Variants in MSRA observed in about 807,000 individuals in gnomAD.
MSRA encodes mitochondrial peptide methionine sulfoxide reductase.
A neutral mutation model predicts 31.3 loss-of-function variants in MSRA; 54 were observed. The ratio of observed to expected loss-of-function variants is 1.73; its 90% CI spans 1.39 to 2.17. MSRA has a LOEUF of 2.17. Ranked by LOEUF, MSRA falls within the 30% of genes most tolerant of loss-of-function variation. The pLI, the probability that MSRA is intolerant of heterozygous loss-of-function variation, is 0.00. For synonymous variants in MSRA, 169 were observed against 116.5 expected (o/e 1.45, Z -2.90); for missense variants, 507 against 300.9 (o/e 1.69, Z -5.07).
chr8:10,122,614 C>T (rs1801208205), intron 1 of MSRA, among the ~76,000 whole-genome samples: 1 of 151,526 alleles, frequency 6.6e-6, no homozygotes, highest in Admixed American at 6.6e-5. Flanking sequence ...GTTCGTTGTA[C>T]AGATTATTTT....
At chr8:10,225,700 G>A (rs540090703) in intron 2 of MSRA, among the ~76,000 whole-genome samples, 78 of 152,224 alleles carry the variant, frequency 5.1e-4, no homozygotes, top group African/African-American at 1.4e-3. Context: ...GCCAGCTCTC[G>A]TTTTGATGTA....
intron 5 of MSRA, among the ~76,000 whole-genome samples, chr8:10,333,253 C>A (rs1463334430): frequency 6.6e-6 from 1 of 152,174 alleles, no homozygotes; most frequent in Non-Finnish European, 1.5e-5. Context: ...ATGTGATGTC[C>A]AGACCCCTTG....
chr8:10,224,048 C>A (rs761094811), intron 2 of MSRA, among the ~76,000 whole-genome samples: 1 of 152,120 alleles, frequency 6.6e-6, no homozygotes, highest in African/African-American at 2.4e-5. Flanking sequence ...ATCATTTGTT[C>A]AATGGAGATA....
At chr8:10,079,450 C>T (rs1055878057) in intron 1 of MSRA, among the ~76,000 whole-genome samples, 2 of 152,132 alleles carry the variant, frequency 1.3e-5, no homozygotes, top group African/African-American at 2.4e-5. Flanking sequence ...CCACCACACC[C>T]GACCATGTTT....
At chr8:10,196,083 C>G (rs1007814016) in intron 1 of MSRA, among the ~76,000 whole-genome samples, 1 of 152,182 alleles carries the variant, frequency 6.6e-6, no homozygotes, top group Non-Finnish European at 1.5e-5. Flanking sequence ...CTGGACCACT[C>G]CCCGCTCAGC....
In MSRA at chr8:10,128,144, G is replaced by A. The variant is rs149956550; in HGVS notation, c.142+73486G>A. Among the ~76,000 whole-genome samples the A allele has an allele frequency of 7.9e-3, 1,208 of 152,154 alleles. 15 individuals are homozygous for A. Among genetic ancestry groups the A allele is most frequent in the African/African-American group, 0.026 (1,087 of 41,512 alleles). ...TGTAATCCCAGCACTTTGGGAGGCC[G>A]AGGCAGGTGGATCACCCGAGATCAG... On this transcript the variant is annotated intron_variant, in intron 1 of 5. Transcript: ENST00000317173.
chr8:10,174,575 G>A (rs1006264464), intron 1 of MSRA, among the ~76,000 whole-genome samples: 2 of 151,930 alleles, frequency 1.3e-5, no homozygotes, highest in African/African-American at 4.8e-5. Flanking sequence ...TACGTTCTTC[G>A]CACTCTCTCA....
intron 1 of MSRA, among the ~76,000 whole-genome samples, chr8:10,196,015 C>T (rs1345577245): frequency 6.6e-6 from 1 of 152,132 alleles, no homozygotes; most frequent in Non-Finnish European, 1.5e-5. Context: ...CTCAGCTGAC[C>T]ATTACCTCCG....
intron 1 of MSRA, chr8:10,095,823 T>C (rs1799115352): frequency 3.2e-6 from 4 of 1,243,642 alleles, no homozygotes; most frequent in Non-Finnish European, 4.1e-6. Context: ...AAAAGCCTTT[T>C]TCAAAACGAA....
At chr8:10,094,682 T>A (rs1161333916) in intron 1 of MSRA, among the ~76,000 whole-genome samples, 1 of 152,248 alleles carries the variant, frequency 6.6e-6, no homozygotes, top group African/African-American at 2.4e-5. Flanking sequence ...TCAAGCATCA[T>A]AGGTAAAAAT....
intron 5 of MSRA, among the ~76,000 whole-genome samples, chr8:10,382,534 C>A (rs978401002): frequency 3.9e-5 from 6 of 152,224 alleles, no homozygotes; most frequent in African/African-American, 1.4e-4. Context: ...CATTCTACAC[C>A]TGCCTCTCAT....
chr8:10,275,231 C>A (rs138533769), intron 3 of MSRA, among the ~76,000 whole-genome samples: 100 of 152,214 alleles, frequency 6.6e-4, no homozygotes, highest in African/African-American at 2.3e-3. Context: ...GAAAACAGAA[C>A]ATGTTTTCAT....
chr8:10,305,545 C>G (rs1437467420), intron 4 of MSRA, among the ~76,000 whole-genome samples: 8 of 151,718 alleles, frequency 5.3e-5, no homozygotes, highest in Admixed American at 1.3e-4. Flanking sequence ...TCCTGAGTAG[C>G]TTGGATTACA....
chr8:10,244,395 G>A (rs2129081979), intron 2 of MSRA, among the ~76,000 whole-genome samples: 1 of 152,268 alleles, frequency 6.6e-6, no homozygotes, highest in South Asian at 2.1e-4. Flanking sequence ...TGTTCAAAGA[G>A]ATCCTGTGGC....
chr8:10,349,610 C>A (rs924565347), intron 5 of MSRA, among the ~76,000 whole-genome samples: 2 of 152,226 alleles, frequency 1.3e-5, no homozygotes, highest in Non-Finnish European at 2.9e-5. Context: ...TGGCTCATGC[C>A]TCAATGATGA....
chr8:10,079,205 C>G (rs1798155281), intron 1 of MSRA, among the ~76,000 whole-genome samples: 1 of 152,094 alleles, frequency 6.6e-6, no homozygotes, highest in South Asian at 2.1e-4. Flanking sequence ...GTGGGCCAGG[C>G]TGGAGTGCAG....
At chr8:10,403,490 A>G (rs964613767) in intron 5 of MSRA, among the ~76,000 whole-genome samples, 4 of 152,150 alleles carry the variant, frequency 2.6e-5, no homozygotes, top group African/African-American at 9.7e-5. Context: ...CTGGGACTAG[A>G]GAGCCTGGGC....
intron 1 of MSRA, among the ~76,000 whole-genome samples, chr8:10,113,766 T>G (rs1173125103): frequency 8.1e-4 from 122 of 150,364 alleles, no homozygotes; most frequent in African/African-American, 1.9e-3. Context: ...TATTTGCATT[T>G]TTTTTTTTTT....
chr8:10,280,787 C>A (rs1317671392), intron 3 of MSRA, among the ~76,000 whole-genome samples: 1 of 152,212 alleles, frequency 6.6e-6, no homozygotes, highest in Non-Finnish European at 1.5e-5. Flanking sequence ...AAACGCGCAT[C>A]AGCGTGTGAA....
Sources: allele counts gnomAD v4.1 joint callset (sites outside exome capture counted in the v4.1 genomes callset), GRCh38; gene constraint gnomAD v4.1.1; transcripts MANE v1.5; gene names NCBI Gene and HGNC (gene_info 2026-07-23, HGNC 2026-07-21).